The following IL15 variants were observed in gnomAD, a reference collection of about 807,000 sequenced individuals.
The protein encoded by IL15 is interleukin 15, also known as interleukin-15.
Under a neutral mutation model 19.6 loss-of-function variants are expected in IL15, and 11 were observed. The observed-to-expected ratio is 0.56, with a 90% CI of 0.35 to 0.93. IL15 has a LOEUF of 0.93. Among genes scored for constraint, IL15 ranks in the 40% least tolerant of loss-of-function variants. The pLI is 0.01. For synonymous variants in IL15, 58 were observed against 59.6 expected (o/e 0.97, Z 0.12); for missense variants, 197 against 186.5 (o/e 1.06, Z -0.33).
At chr4:141,703,095 C>T (rs550754386) in intron 2 of IL15, among the ~76,000 whole-genome samples, 6 of 152,146 alleles carry the variant, frequency 3.9e-5, no homozygotes, top group Non-Finnish European at 8.8e-5. Context: ...CAATCTCACT[C>T]CTGAAGTGTC....
Position 141,685,281 on chromosome 4 carries a change from G to T in IL15, c.-100+28974G>T, listed in dbSNP as rs190755944. ...GTGCTTATATGCATTTTTCTGAGGA[G>T]AGGGTGCATAGTTTTTAGATGTTAA... On this transcript the variant is annotated intron_variant, in intron 2 of 7. Coordinates refer to ENST00000320650, the MANE Select transcript of IL15 (RefSeq NM_000585.5). 1.3e-3 allele frequency among the ~76,000 whole-genome samples: 199 copies of T among 152,284 alleles called. 1 individual carries two copies. The highest frequency in any genetic ancestry group is 2.2e-3 in the Non-Finnish European group (149 of 68,008).
rs774006958 is a variant in IL15 at position 141,721,939 on chromosome 4, G to C, written c.126G>C (p.Gly42=). 3 of 1,589,374 alleles carry C rather than the reference G, an allele frequency of 1.9e-6. No homozygotes were observed. Among genetic ancestry groups the C allele is most frequent in the Admixed American group, 1.7e-5 (1 of 59,574 alleles). Reference sequence around the variant, plus strand: ...TTTCTTTCAGCTGTTTCAGTGCAGGGCTTCCTAAAACAGAAGCCAACTGGG... The same window carrying C: ...TTTCTTTCAGCTGTTTCAGTGCAGGCCTTCCTAAAACAGAAGCCAACTGGG... ...HVFILGCFSA[G]LPKTEANWVN... is the part of the protein sequence containing the mutation. The change falls in exon 5 of 8, where the codon GGG becomes GGC. Residue 42 remains glycine (G), a synonymous_variant. Transcript: ENST00000320650.
At chr4:141,689,252 T>G (rs1372483545) in intron 2 of IL15, among the ~76,000 whole-genome samples, 1 of 152,152 alleles carries the variant, frequency 6.6e-6, no homozygotes, top group Non-Finnish European at 1.5e-5. Flanking sequence ...CCTGAGCAGG[T>G]TGCCACTGCT....
chr4:141,638,539 T>G (rs1241783326), intron 1 of IL15, among the ~76,000 whole-genome samples: 1 of 152,210 alleles, frequency 6.6e-6, no homozygotes, highest in African/African-American at 2.4e-5. Flanking sequence ...CTGGTTGGAA[T>G]TTTCCTGCAG....
rs530155133 is a variant in IL15, at chr4:141,689,853, G to A, written c.-99-29513G>A. Among the ~76,000 whole-genome samples, 50 of 152,254 alleles carry A rather than the reference G, an allele frequency of 3.3e-4. 1 individual carries two copies. The South Asian group carries it at 7.7e-3, about 23-fold the overall frequency. On this transcript the variant is annotated intron_variant, in intron 2 of 7. Coordinates refer to ENST00000320650, the MANE Select transcript of IL15 (RefSeq NM_000585.5). ...GCTGCCTGCCAGTCCTGCTCCGTGCGCCTACACTCCTCAGCCCTTGGGTGG... is the reference window on the plus strand; with the variant it reads ...GCTGCCTGCCAGTCCTGCTCCGTGCACCTACACTCCTCAGCCCTTGGGTGG...
intron 2 of IL15, among the ~76,000 whole-genome samples, chr4:141,682,090 A>G (rs1237695775): frequency 2.0e-5 from 3 of 152,352 alleles, no homozygotes; most frequent in Non-Finnish European, 4.4e-5. Flanking sequence ...TGTAGAGATC[A>G]TTAATGTAAC....
intron 2 of IL15, among the ~76,000 whole-genome samples, chr4:141,664,206 TTA>T (rs1391084856): frequency 1.3e-5 from 2 of 152,006 alleles, no homozygotes; most frequent in Admixed American, 6.6e-5. Context: ...AGTAAAACCT[TTA>T]TGTTTCTGTG....
At chr4:141,732,615 G>T in intron 7 of IL15, 123 bp from the exon 8 acceptor site, 1 of 1,275,308 alleles carries the variant, frequency 7.8e-7, no homozygotes. Context: ...CTATTTATTT[G>T]CTAAAGCTTT....
intron 2 of IL15, among the ~76,000 whole-genome samples, chr4:141,693,611 T>G (rs1194097382): frequency 6.6e-6 from 1 of 152,238 alleles, no homozygotes; most frequent in Non-Finnish European, 1.5e-5. Context: ...TTATGATTTA[T>G]TTATACAGTA....
chr4:141,639,774 G>T (rs1015893328), intron 1 of IL15, among the ~76,000 whole-genome samples: 3 of 152,184 alleles, frequency 2.0e-5, no homozygotes, highest in Admixed American at 2.0e-4. Flanking sequence ...TACAGTAACT[G>T]CATGAGACTA....
chr4:141,663,004 A>C (rs1168413239), intron 2 of IL15, among the ~76,000 whole-genome samples: 1 of 152,168 alleles, frequency 6.6e-6, no homozygotes, highest in East Asian at 1.9e-4. Flanking sequence ...GCAGAAAAAA[A>C]ATCCAGCAAC....
intron 2 of IL15, among the ~76,000 whole-genome samples, chr4:141,658,959 A>C (rs1727698661): frequency 6.6e-6 from 1 of 151,226 alleles, no homozygotes; most frequent in South Asian, 2.1e-4. Context: ...TCCCGGGTTC[A>C]AGCCATTCTC....
rs191486023 is a variant in IL15 at position 141,689,226 on chromosome 4, A to G, written c.-99-30140A>G. 3.2e-4 allele frequency among the ~76,000 whole-genome samples: 49 copies of G among 152,306 alleles called. 1 individual carries two copies. The East Asian group carries it at 8.9e-3, about 28-fold the overall frequency. On this transcript the variant is annotated intron_variant, in intron 2 of 7. Transcript: ENST00000320650. ...CAAAGAGCAAAAGAACAAAGCTTCC[A>G]CAGTGTGGAAGGGGACCTGAGCAGG...
intron 2 of IL15, among the ~76,000 whole-genome samples, chr4:141,667,662 C>T (rs148812849): frequency 2.0e-5 from 3 of 152,074 alleles, no homozygotes; most frequent in South Asian, 2.1e-4. Context: ...CTTTCCGGGG[C>T]TCTGTTTATT....
chr4:141,647,082 T>C (rs756535611), intron 1 of IL15, among the ~76,000 whole-genome samples: 1 of 152,076 alleles, frequency 6.6e-6, no homozygotes, highest in Admixed American at 6.6e-5. Context: ...TATACCAGTG[T>C]TCTATTTATT....
intron 2 of IL15, among the ~76,000 whole-genome samples, chr4:141,670,009 T>C (rs1329631681): frequency 6.6e-6 from 1 of 151,584 alleles, no homozygotes. Flanking sequence ...ATATTTACAT[T>C]GAAAGTGTTT....
chr4:141,681,291 TAA>T (rs79077042), intron 2 of IL15, among the ~76,000 whole-genome samples: 131 of 140,222 alleles, frequency 9.3e-4, no homozygotes, highest in African/African-American at 3.1e-3. Flanking sequence ...TTAACCTGTG[TAA>T]AAAAAAAAAA....
chr4:141,718,366 G>A lies in IL15; in HGVS notation c.-99-1000G>A, dbSNP rs1160222928. 8 of 151,760 alleles carry A rather than the reference G, an allele frequency of 5.3e-5. No homozygotes were observed. In the East Asian group the frequency reaches 9.7e-4, roughly 18 times the overall value. 9.4% of individuals were successfully genotyped at this position (151,760 alleles called of 1,614,324 possible). ...CTTTGGATGAAATGATGAAGATTAC[G>A]GTAAAGTTTTATAAAAAATTTGAAG... is the stretch of plus-strand genomic sequence containing the variant. On this transcript the variant is annotated intron_variant, in intron 2 of 7. Coordinates refer to ENST00000320650, the MANE Select transcript of IL15 (RefSeq NM_000585.5).
chr4:141,681,131 C>A (rs774801660), intron 2 of IL15, among the ~76,000 whole-genome samples: 42 of 152,228 alleles, frequency 2.8e-4, no homozygotes, highest in Admixed American at 6.5e-4. Context: ...TAATTGAGTA[C>A]AGTCTGAGAG....
Sources: allele counts gnomAD v4.1 joint callset (sites outside exome capture counted in the v4.1 genomes callset), GRCh38; gene constraint gnomAD v4.1.1; transcripts MANE v1.5; gene names NCBI Gene and HGNC (gene_info 2026-07-23, HGNC 2026-07-21).